The following HYCC1 variants were observed in gnomAD, a reference collection of about 807,000 sequenced individuals.
The protein encoded by HYCC1 is hyccin PI4KA lipid kinase complex subunit 1.
chr7:22,960,806 T>C, the HYCC1 span, among the ~76,000 whole-genome samples: 3 of 152,174 alleles, frequency 2.0e-5, no homozygotes, highest in African/African-American at 7.2e-5. Flanking sequence ...TCCCAGCACT[T>C]TGGGAGGCCG....
the HYCC1 span, among the ~76,000 whole-genome samples, chr7:22,993,262 T>A: frequency 9.6e-3 from 1,460 of 152,242 alleles, 13 homozygotes; most frequent in Middle Eastern, 0.017. Context: ...GGACCACAGA[T>A]CTAATTGTGA....
chr7:22,939,500 GC>G, the HYCC1 span: 1 of 152,120 alleles, frequency 6.6e-6, no homozygotes, highest in Non-Finnish European at 1.5e-5. Context: ...ATTTTACCAT[GC>G]TTTTACTAAC....
chr7:22,943,708 T>C, the HYCC1 span: 1 of 152,624 alleles, frequency 6.6e-6, no homozygotes, highest in Admixed American at 6.6e-5. Context: ...AATTCATTGT[T>C]AAAGAATGAC....
the HYCC1 span, among the ~76,000 whole-genome samples, chr7:22,965,777 T>C: frequency 6.6e-6 from 1 of 152,026 alleles, no homozygotes; most frequent in Non-Finnish European, 1.5e-5. Context: ...TCACCACACC[T>C]AGCTGTTTAA....
At chr7:22,969,065 A>C in the HYCC1 span, among the ~76,000 whole-genome samples, 1 of 152,192 alleles carries the variant, frequency 6.6e-6, no homozygotes, top group Non-Finnish European at 1.5e-5. Flanking sequence ...GAAGAAGCCT[A>C]TCTGCAAAAA....
the HYCC1 span, among the ~76,000 whole-genome samples, chr7:22,906,248 T>A: frequency 6.6e-6 from 1 of 152,156 alleles, no homozygotes; most frequent in Non-Finnish European, 1.5e-5. Flanking sequence ...TTAAAAACTA[T>A]TCTAAAAGCT....
At chr7:22,987,857 G>A in the HYCC1 span, among the ~76,000 whole-genome samples, 2 of 152,058 alleles carry the variant, frequency 1.3e-5, no homozygotes, top group Non-Finnish European at 2.9e-5. Context: ...CAATCATGAT[G>A]ACTTGGCCTT....
the HYCC1 span, among the ~76,000 whole-genome samples, chr7:23,008,003 A>G: frequency 2.6e-5 from 4 of 152,142 alleles, no homozygotes; most frequent in Non-Finnish European, 5.9e-5. Flanking sequence ...TAAATGAGAA[A>G]TAAGCCAAGG....
the HYCC1 span, chr7:22,945,565 T>G: frequency 1.3e-6 from 2 of 1,542,142 alleles, no homozygotes; most frequent in Non-Finnish European, 1.8e-6. Flanking sequence ...TTCACTAGGT[T>G]ATGGGAGAAA....
chr7:22,999,446 G>T, the HYCC1 span, among the ~76,000 whole-genome samples: 2 of 152,170 alleles, frequency 1.3e-5, no homozygotes, highest in South Asian at 4.1e-4. Context: ...GTGTAAAAGT[G>T]CTGAACTATA....
chr7:22,908,833 G>T, the HYCC1 span, among the ~76,000 whole-genome samples: 28 of 152,322 alleles, frequency 1.8e-4, no homozygotes, highest in African/African-American at 6.3e-4. Flanking sequence ...GTGATTTATT[G>T]TGGGGGTTTG....
chr7:22,957,045 C>T, the HYCC1 span, among the ~76,000 whole-genome samples: 1 of 151,750 alleles, frequency 6.6e-6, no homozygotes, highest in Admixed American at 6.6e-5. Context: ...TCTAGGATAG[C>T]TTTAAAATAT....
chr7:22,944,825 A>G, the HYCC1 span: 1 of 152,494 alleles, frequency 6.6e-6, no homozygotes, highest in Non-Finnish European at 1.5e-5. Context: ...AGGGATCTTC[A>G]CATGCTAAAT....
the HYCC1 span, among the ~76,000 whole-genome samples, chr7:22,899,248 C>T: frequency 6.6e-6 from 1 of 152,144 alleles, no homozygotes; most frequent in Non-Finnish European, 1.5e-5. Flanking sequence ...CCCATGCTGT[C>T]CCTCTGGAAA....
At chr7:22,996,633 A>G in the HYCC1 span, among the ~76,000 whole-genome samples, 3 of 141,900 alleles carry the variant, frequency 2.1e-5, no homozygotes, top group Non-Finnish European at 4.6e-5. Flanking sequence ...AATTCTTTCC[A>G]TTAGCCCTGG....
At chr7:22,900,602 A>G in the HYCC1 span, among the ~76,000 whole-genome samples, 1 of 152,270 alleles carries the variant, frequency 6.6e-6, no homozygotes, top group Non-Finnish European at 1.5e-5. Flanking sequence ...TAGAGCAATC[A>G]TTAAAATAGC....
At chr7:23,013,164 G>T in the HYCC1 span, among the ~76,000 whole-genome samples, 1 of 152,308 alleles carries the variant, frequency 6.6e-6, no homozygotes, top group African/African-American at 2.4e-5. Flanking sequence ...TACAAACTTG[G>T]GGGTGTTTTA....
the HYCC1 span, among the ~76,000 whole-genome samples, chr7:22,980,996 A>G: frequency 6.6e-6 from 1 of 152,268 alleles, no homozygotes; most frequent in South Asian, 2.1e-4. Context: ...CTCTCCTGGA[A>G]GGCTCTTGCC....
the HYCC1 span, among the ~76,000 whole-genome samples, chr7:22,970,525 C>CA: frequency 0.016 from 2,398 of 152,212 alleles, 67 homozygotes; most frequent in African/African-American, 0.055. Flanking sequence ...AAGGTAATTA[C>CA]AGTGTTATGA....
Sources: gnomAD v4.1 joint callset for allele counts (sites outside exome capture counted in the v4.1 genomes callset) on GRCh38, gnomAD v4.1.1 for gene constraint, MANE v1.5 for transcripts, NCBI Gene and HGNC (gene_info 2026-07-23, HGNC 2026-07-21) for gene names.